Variants in PPFIA4 observed in about 807,000 individuals in gnomAD.
PPFIA4 encodes the protein liprin-alpha-4.
Under a neutral mutation model 145.7 loss-of-function variants are expected in PPFIA4, and 98 were observed. The ratio of observed to expected loss-of-function variants is 0.67; its 90% CI spans 0.57 to 0.80. The LOEUF is 0.80. Among genes scored for constraint, PPFIA4 ranks in the 30% least tolerant of loss-of-function variants. The pLI is 0.00. For synonymous variants in PPFIA4, 628 were observed against 649.6 expected, an observed-to-expected ratio of 0.97 and a Z score of 0.51; for missense variants, 1,457 against 1,632.7, an observed-to-expected ratio of 0.89 and a Z score of 1.85.
chr1:203,051,904 G>A lies in PPFIA4; in HGVS notation c.1620+27G>A, dbSNP rs116121047. Reference sequence around the variant, plus strand: ...TGAGGGGGTGGAGGGATCTCCTCAGGGAGTTTGGGGTCAATTCGGCCGCGT... The same window carrying A: ...TGAGGGGGTGGAGGGATCTCCTCAGAGAGTTTGGGGTCAATTCGGCCGCGT... On this transcript the variant is annotated intron_variant, in intron 14 of 29. Coordinates refer to ENST00000295706, the MANE Select transcript of PPFIA4 (RefSeq NM_001304331.2). The A allele has an allele frequency of 1.1e-3, 1,822 of 1,607,396 alleles. 18 individuals carry two copies. The African/African-American group carries it at 0.019, about 16-fold the overall frequency.
chr1:203,054,927 A>AGTGT (rs1216906020), intron 15 of PPFIA4, among the ~76,000 whole-genome samples: 3 of 151,896 alleles, frequency 2.0e-5, no homozygotes, highest in Non-Finnish European at 4.4e-5. Flanking sequence ...TGTGTGAGAG[A>AGTGT]GTGTGTGTGT....
In PPFIA4 at chr1:203,038,921, G is replaced by T; in HGVS notation, c.-88G>T. The T allele has an allele frequency of 2.9e-6, 2 of 688,110 alleles. No individual in the cohort carries two copies. The highest frequency in any genetic ancestry group is 5.0e-6 in the Non-Finnish European group (2 of 398,954). The allele number at this position is 688,110 out of a possible 1,614,324, so 42.6% of individuals were successfully genotyped here. ...ACTCGCCTGGCACTGCCCACTCTGA[G>T]ACCCATGCACTGGGTTCCCCTGGAG... On this transcript the variant is annotated 5_prime_UTR_variant, in exon 2 of 30. Coordinates refer to ENST00000295706, the MANE Select transcript of PPFIA4 (RefSeq NM_001304331.2).
In PPFIA4 at chr1:203,055,305, A is replaced by T. The variant is rs1280080998; in HGVS notation, c.1830-127A>T. 7 of 1,257,046 alleles carry T rather than the reference A, an allele frequency of 5.6e-6. No individual in the cohort carries two copies. Among genetic ancestry groups the T allele is most frequent in the Non-Finnish European group, 6.8e-6 (6 of 880,708 alleles). 77.9% of individuals were successfully genotyped at this position (1,257,046 alleles called of 1,614,324 possible). ...AGATGTGTTTCTAAGCTCCAGTGGG[A>T]CAGACAAAGCCTGGCGGGTGTACAC... On this transcript the variant is annotated intron_variant, in intron 15 of 29. Coordinates refer to ENST00000295706, the MANE Select transcript of PPFIA4 (RefSeq NM_001304331.2). This position sits in a 1 kb window ranked among gnomAD's most constrained non-coding sequence, Gnocchi z 4.8.
intron 13 of PPFIA4, 106 bp downstream of exon 13, chr1:203,049,873 T>G (rs1305776944): frequency 4.0e-6 from 4 of 1,007,806 alleles, no homozygotes; most frequent in Non-Finnish European, 5.5e-6. Flanking sequence ...AGGGTCCTCC[T>G]CCTGTTCAGG....
chr1:203,045,827 C>A lies in PPFIA4; in HGVS notation c.859-14C>A, dbSNP rs766554208. 10 of 1,612,794 alleles carry A rather than the reference C, an allele frequency of 6.2e-6. No individual in the cohort carries two copies. The highest frequency in any genetic ancestry group is 8.5e-6 in the Non-Finnish European group (10 of 1,179,862). On this transcript the variant is annotated splice_polypyrimidine_tract_variant and intron_variant, in intron 7 of 29. Coordinates refer to ENST00000295706, the MANE Select transcript of PPFIA4 (RefSeq NM_001304331.2). ...AAGGCTGGTTACCGTCCTTCTTGTCCCCTCTTCTCCCAGGCTCTGGCCCAG... is the reference window on the plus strand; with the variant it reads ...AAGGCTGGTTACCGTCCTTCTTGTCACCTCTTCTCCCAGGCTCTGGCCCAG...
intron 1 of PPFIA4, among the ~76,000 whole-genome samples, chr1:203,037,443 A>T (rs544145343): frequency 6.6e-6 from 1 of 152,130 alleles, no homozygotes; most frequent in East Asian, 1.9e-4. Flanking sequence ...CAGTGTGCCT[A>T]TTGCTGTGCT....
rs1316466120 is a variant in PPFIA4 at position 203,076,636 on chromosome 1, T to C, written c.*246T>C. The C allele has an allele frequency of 7.1e-6, 4 of 560,072 alleles. No individual in the cohort carries two copies. In the African/African-American group the frequency reaches 7.6e-5, roughly 11 times the overall value. 34.7% of individuals were successfully genotyped at this position (560,072 alleles called of 1,614,324 possible). A position where few individuals can be genotyped will look rare whatever the true frequency, so the allele number is the denominator to read the frequency against. On this transcript the variant is annotated 3_prime_UTR_variant, in exon 30 of 30. Transcript: ENST00000295706. ...TGGTATTGTGGAGGCACCCAGGTTG[T>C]CCATGCTTGGGATTCTGGGGGAAGG...
At chr1:203,049,870 TCCTCCTGTTCA>T in intron 13 of PPFIA4, 103 bp downstream of exon 13, 5 of 1,035,426 alleles carry the variant, frequency 4.8e-6, no homozygotes, top group Non-Finnish European at 6.6e-6. Flanking sequence ...CTCAGGGTCC[TCCTCCTGTTCA>T]GGGTGGGACA....
In PPFIA4 at chr1:203,075,601, G is replaced by C. The variant is rs1205346912; in HGVS notation, c.3418G>C (p.Ala1140Pro). The C allele has an allele frequency of 6.8e-7, 1 of 1,462,226 alleles. No homozygotes were observed. Among genetic ancestry groups the C allele is most frequent in the Non-Finnish European group, 9.1e-7 (1 of 1,103,904 alleles). The allele number at this position is 1,462,226 out of a possible 1,614,324, so 90.6% of individuals were successfully genotyped here. ...DDGDDKVFRRAPSWRKRFRPR... is the reference protein window; with the variant it reads ...DDGDDKVFRRPPSWRKRFRPR... ...GGGGGATGACAAGGTGTTTCGCCGC[G>C]CGCCCTCCTGGAGGAAGCGCTTCCG... The change falls in exon 29 of 30, where the codon GCG becomes CCG. Residue 1140 changes from alanine (A) to proline (P), a missense_variant. This residue lies in a region of PPFIA4 where 146 missense variants were observed against 126.2 expected (regional missense o/e 1.16). Coordinates refer to ENST00000295706, the MANE Select transcript of PPFIA4 (RefSeq NM_001304331.2). The surrounding 1 kb of genome is among the most constrained non-coding windows in gnomAD (Gnocchi z 4.1).
Position 203,043,857 on chromosome 1 carries a change from A to T in PPFIA4, c.337-74A>T. The T allele has an allele frequency of 6.9e-7, 1 of 1,443,638 alleles. No individual in the cohort carries two copies. Among genetic ancestry groups the T allele is most frequent in the South Asian group, 1.4e-5 (1 of 73,630 alleles). 89.4% of individuals were successfully genotyped at this position (1,443,638 alleles called of 1,614,324 possible). ...TAACTCATGTCTGCTCGGGGATCAC[A>T]TGGACCCTGCTTGTAGCCCCTGGGG... On this transcript the variant is annotated intron_variant, in intron 3 of 29. Coordinates refer to ENST00000295706, the MANE Select transcript of PPFIA4 (RefSeq NM_001304331.2). This position sits in a 1 kb window ranked among gnomAD's most constrained non-coding sequence, Gnocchi z 4.4.
intron 1 of PPFIA4, among the ~76,000 whole-genome samples, chr1:203,036,493 G>T (rs1034174731): frequency 1.1e-4 from 16 of 151,748 alleles, no homozygotes; most frequent in Admixed American, 1.0e-3. Context: ...GCCACAAGGG[G>T]CCCCTTCCCT....
At position 203,051,616 on chromosome 1, in the gene PPFIA4, C is replaced by T. The variant is rs565511843; in HGVS notation, c.1512-153C>T. On this transcript the variant is annotated intron_variant, in intron 13 of 29. Transcript: ENST00000295706. ...GCATACGTCTGCTCTCTTGCTTACA[C>T]GGCAGCCCTTCAGACATTTGTGACA... 145 of 1,390,306 alleles carry T rather than the reference C, an allele frequency of 1.0e-4. No individual in the cohort carries two copies. In the South Asian group the frequency reaches 1.4e-3, roughly 13 times the overall value. The allele number at this position is 1,390,306 out of a possible 1,614,324, so 86.1% of individuals were successfully genotyped here.
chr1:203,052,901 C>A lies in PPFIA4; in HGVS notation c.1621-852C>A, dbSNP rs146270740. 5.1e-3 allele frequency among the ~76,000 whole-genome samples: 779 copies of A among 152,302 alleles called. 9 individuals carry two copies. The highest frequency in any genetic ancestry group is 0.018 in the African/African-American group (730 of 41,556). On this transcript the variant is annotated intron_variant, in intron 14 of 29. Transcript: ENST00000295706. ...AAACTCTGCAGACTGTCTATTCAGG[C>A]CTGCTTGGCCTTTCTGTTCTCTGGG...
intron 29 of PPFIA4, 30 bp from the exon 30 acceptor site, chr1:203,076,311 G>A: frequency 6.3e-7 from 1 of 1,598,890 alleles, no homozygotes; most frequent in Non-Finnish European, 8.5e-7. Flanking sequence ...CTGCCTCACA[G>A]TGCGATGCCT....
intron 19 of PPFIA4, among the ~76,000 whole-genome samples, chr1:203,058,047 A>G (rs1661096213): frequency 6.6e-6 from 1 of 152,134 alleles, no homozygotes; most frequent in South Asian, 2.1e-4. Flanking sequence ...CATCTGTTTT[A>G]GTTTAAGAGT....
chr1:203,043,370 G>T lies in PPFIA4; in HGVS notation c.235-27G>T, dbSNP rs1484121347. 6 of 1,584,424 alleles carry T rather than the reference G, an allele frequency of 3.8e-6. No individual in the cohort carries two copies. The South Asian group carries it at 6.9e-5, about 18-fold the overall frequency. ...CACTGCTTTGGGGGTGAATCCTGAA[G>T]CACTGAGGGGCCTTGGGGGTTTTCA... is the stretch of plus-strand genomic sequence containing the variant. On this transcript the variant is annotated intron_variant, in intron 2 of 29. Coordinates refer to ENST00000295706, the MANE Select transcript of PPFIA4 (RefSeq NM_001304331.2). This position sits in a 1 kb window ranked among gnomAD's most constrained non-coding sequence, Gnocchi z 4.4.
intron 23 of PPFIA4, chr1:203,061,317 C>T: frequency 1.8e-6 from 1 of 548,846 alleles, no homozygotes; most frequent in Non-Finnish European, 3.2e-6. Flanking sequence ...GAGGGCTTTG[C>T]CCTGCTATGG....
Position 203,048,406 on chromosome 1 carries a change from A to G in PPFIA4, c.1224+96A>G, listed in dbSNP as rs1214764481. ...AGGGGCACGGAGGAAGGGCCTGGCC[A>G]GGGACACAGCCACAGAGAGTGGGAG... On this transcript the variant is annotated intron_variant, in intron 10 of 29. Coordinates refer to ENST00000295706, the MANE Select transcript of PPFIA4 (RefSeq NM_001304331.2). The surrounding 1 kb of genome is among the most constrained non-coding windows in gnomAD (Gnocchi z 5.8). The G allele has an allele frequency of 4.0e-6, 6 of 1,495,626 alleles. No homozygotes were observed. Among genetic ancestry groups the G allele is most frequent in the African/African-American group, 1.4e-5 (1 of 72,062 alleles). The allele number at this position is 1,495,626 out of a possible 1,614,324, so 92.6% of individuals were successfully genotyped here.
In PPFIA4 at chr1:203,046,793, G is replaced by A. The variant is rs571030253; in HGVS notation, c.1140+411G>A. 3.3e-5 allele frequency among the ~76,000 whole-genome samples: 5 copies of A among 152,066 alleles called. 1 individual carries two copies. The South Asian group carries it at 1.0e-3, about 32-fold the overall frequency. On this transcript the variant is annotated intron_variant, in intron 9 of 29. Coordinates refer to ENST00000295706, the MANE Select transcript of PPFIA4 (RefSeq NM_001304331.2). The stretch of plus-strand genomic sequence containing the variant: ...GAAGAGAAATGGTATATATATCCCT[G>A]AAGGGCAAAGGGGTGAGAGTTAGGT...
Sources: gnomAD v4.1 joint callset for allele counts (sites outside exome capture counted in the v4.1 genomes callset) on GRCh38, gnomAD v4.1.1 for gene constraint, gnomAD v4.1.1 regional missense constraint, Gnocchi (gnomAD v3.1) non-coding constraint, MANE v1.5 for transcripts, NCBI Gene and HGNC (gene_info 2026-07-23, HGNC 2026-07-21) for gene names.